The following CACNA1E variants were observed in gnomAD, a reference collection of about 807,000 sequenced individuals.
The protein encoded by CACNA1E is voltage-dependent R-type calcium channel subunit alpha-1E.
In CACNA1E, 40 loss-of-function variants were observed where a neutral mutation model predicts 259.2. The observed-to-expected ratio is 0.15, with a 90% CI of 0.12 to 0.20. CACNA1E has a LOEUF of 0.20. CACNA1E is among the 10% of genes least tolerant of loss of function. The pLI is 1.00. For synonymous variants in CACNA1E, 1,104 were observed against 1,138.5 expected (o/e 0.97, Z 0.61); for missense variants, 1,874 against 3,040.1 (o/e 0.62, Z 9.02).
At chr1:181,785,450 G>T in intron 42 of CACNA1E, 32 bp downstream of exon 42, 1 of 1,443,932 alleles carries the variant, frequency 6.9e-7, no homozygotes, top group Non-Finnish European at 9.7e-7. Flanking sequence ...CTAAGTGGGT[G>T]GGCCATGAGG....
At chr1:181,445,316 T>A (rs1302814784) in intron 2 of CACNA1E, among the ~76,000 whole-genome samples, 2 of 152,278 alleles carry the variant, frequency 1.3e-5, no homozygotes, top group East Asian at 3.8e-4. Context: ...TGTTTTTTCA[T>A]ATATTTCCAA....
chr1:181,722,708 G>A (rs1306261778), intron 16 of CACNA1E, among the ~76,000 whole-genome samples: 2 of 152,174 alleles, frequency 1.3e-5, no homozygotes, highest in Non-Finnish European at 2.9e-5. Context: ...ATGCTTTTGG[G>A]GAGTTGGGTT....
intron 6 of CACNA1E, among the ~76,000 whole-genome samples, chr1:181,621,725 GT>G (rs949887260): frequency 2.0e-5 from 3 of 152,030 alleles, no homozygotes; most frequent in Admixed American, 1.3e-4. Flanking sequence ...TATCACACGA[GT>G]TTTTTTTACT....
chr1:181,704,494 C>A (rs567145836), intron 7 of CACNA1E, among the ~76,000 whole-genome samples: 3 of 152,270 alleles, frequency 2.0e-5, no homozygotes, highest in South Asian at 2.1e-4. Context: ...TTTACAGGAA[C>A]CTTGGCAAGG....
At position 181,758,629 on chromosome 1, in the gene CACNA1E, T is replaced by C; in HGVS notation, c.4495-129T>C. 1 of 580,556 alleles carries C rather than the reference T, an allele frequency of 1.7e-6. No homozygotes were observed. The highest frequency in any genetic ancestry group is 2.4e-5 in the South Asian group (1 of 40,876). 36.0% of individuals were successfully genotyped at this position (580,556 alleles called of 1,614,324 possible). Reference sequence around the variant, plus strand: ...TCCTCTCCAGCACTCGAAGTCCATCTCTCCTCCTGTACCACACACCAGAGT... The same window carrying C: ...TCCTCTCCAGCACTCGAAGTCCATCCCTCCTCCTGTACCACACACCAGAGT... On this transcript the variant is annotated intron_variant, in intron 31 of 47. Coordinates refer to ENST00000367573, the MANE Select transcript of CACNA1E (RefSeq NM_001205293.3). The surrounding 1 kb of genome is among the most constrained non-coding windows in gnomAD (Gnocchi z 4.2).
At chr1:181,449,426 G>T (rs543669447) in intron 2 of CACNA1E, among the ~76,000 whole-genome samples, 38 of 152,168 alleles carry the variant, frequency 2.5e-4, no homozygotes, top group African/African-American at 8.7e-4. Context: ...TTCCAATTTG[G>T]GTACTGCTCT....
intron 1 of CACNA1E, among the ~76,000 whole-genome samples, chr1:181,494,222 G>A (rs948350400): frequency 3.3e-5 from 5 of 152,152 alleles, no homozygotes; most frequent in Non-Finnish European, 7.4e-5. Context: ...TGCAAGGGAG[G>A]GGGGACGTTA....
At chr1:181,741,174 C>A (rs1170383583) in intron 25 of CACNA1E, among the ~76,000 whole-genome samples, 1 of 152,092 alleles carries the variant, frequency 6.6e-6, no homozygotes, top group Non-Finnish European at 1.5e-5. Context: ...GGAAAGAACC[C>A]ACCCCATCTT....
intron 3 of CACNA1E, among the ~76,000 whole-genome samples, chr1:181,551,412 GCAGGCTGCTTGGAGCC>G (rs1648138823): frequency 6.6e-6 from 1 of 152,196 alleles, no homozygotes; most frequent in Non-Finnish European, 1.5e-5. Context: ...GGTCCTCAAT[GCAGGCTGCTTGGAGCC>G]CAGGCTGCTG....
intron 6 of CACNA1E, among the ~76,000 whole-genome samples, chr1:181,637,244 A>C (rs1372273831): frequency 6.6e-6 from 1 of 152,232 alleles, no homozygotes; most frequent in Non-Finnish European, 1.5e-5. Flanking sequence ...AGAGAGGATT[A>C]GAAGTTCTTT....
intron 3 of CACNA1E, among the ~76,000 whole-genome samples, chr1:181,516,548 C>T (rs961990163): frequency 6.6e-5 from 10 of 152,156 alleles, no homozygotes; most frequent in Non-Finnish European, 1.2e-4. Flanking sequence ...GGCCAGTTTG[C>T]CTTTAGCACC....
intron 6 of CACNA1E, among the ~76,000 whole-genome samples, chr1:181,642,067 T>C (rs1657838523): frequency 6.6e-6 from 1 of 152,074 alleles, no homozygotes; most frequent in South Asian, 2.1e-4. Context: ...TGTATATAAT[T>C]AGGTGCTAAA....
chr1:181,345,983 T>G (rs1652562266), intron 1 of CACNA1E, among the ~76,000 whole-genome samples: 1 of 152,058 alleles, frequency 6.6e-6, no homozygotes, highest in African/African-American at 2.4e-5. Flanking sequence ...CAGGACCAGG[T>G]GTTTCTGAGG....
chr1:181,603,507 A>G (rs1489283370), intron 6 of CACNA1E, among the ~76,000 whole-genome samples: 2 of 152,128 alleles, frequency 1.3e-5, no homozygotes, highest in Admixed American at 1.3e-4. Flanking sequence ...TGAGGCATGC[A>G]TGTGTGAACA....
intron 7 of CACNA1E, among the ~76,000 whole-genome samples, chr1:181,653,542 A>T (rs1470249424): frequency 2.0e-5 from 3 of 152,236 alleles, no homozygotes; most frequent in Non-Finnish European, 4.4e-5. Context: ...TAGCAGCACG[A>T]AAATGGACTA....
At chr1:181,592,500 T>TG (rs1652758736) in intron 6 of CACNA1E, among the ~76,000 whole-genome samples, 1 of 76,112 alleles carries the variant, frequency 1.3e-5, no homozygotes, top group Non-Finnish European at 2.5e-5. Context: ...CGGTGGGGGG[T>TG]GGGGGGTGGG....
chr1:181,376,800 A>T (rs1251264951), intron 1 of CACNA1E, among the ~76,000 whole-genome samples: 1 of 151,744 alleles, frequency 6.6e-6, no homozygotes, highest in Admixed American at 6.6e-5. Flanking sequence ...CATTCGACTC[A>T]GTGAAGGTGA....
chr1:181,539,861 G>A (rs1668451076), intron 3 of CACNA1E, among the ~76,000 whole-genome samples: 1 of 152,184 alleles, frequency 6.6e-6, no homozygotes, highest in Non-Finnish European at 1.5e-5. Context: ...ATGTAAAAGT[G>A]GTGTACAGTG....
intron 3 of CACNA1E, among the ~76,000 whole-genome samples, chr1:181,532,816 A>G (rs1400776833): frequency 6.6e-6 from 1 of 151,968 alleles, no homozygotes; most frequent in African/African-American, 2.4e-5. Context: ...TCTCCTAAAC[A>G]CTCCCTGCTA....
Sources: gnomAD v4.1 joint callset for allele counts (sites outside exome capture counted in the v4.1 genomes callset) on GRCh38, gnomAD v4.1.1 for gene constraint, Gnocchi (gnomAD v3.1) non-coding constraint, MANE v1.5 for transcripts, NCBI Gene and HGNC (gene_info 2026-07-23, HGNC 2026-07-21) for gene names.